The following SLC39A11 variants were observed in gnomAD, a reference collection of about 807,000 sequenced individuals.
SLC39A11 encodes zinc transporter ZIP11.
Under a neutral mutation model 36.1 loss-of-function variants are expected in SLC39A11, and 33 were observed. The observed-to-expected ratio is 0.91, with a 90% CI of 0.69 to 1.22. The LOEUF is 1.22. Ranked by LOEUF, SLC39A11 falls within the 50% of genes most tolerant of loss-of-function variation. SLC39A11 has a pLI of 0.00. For missense variants in SLC39A11, 432 were observed against 430.3 expected, an observed-to-expected ratio of 1.00 and a Z score of -0.03; for synonymous variants, 166 against 170.3, an observed-to-expected ratio of 0.97 and a Z score of 0.20.
intron 4 of SLC39A11, among the ~76,000 whole-genome samples, chr17:72,987,234 C>G (rs371451616): frequency 1.3e-5 from 2 of 152,226 alleles, no homozygotes; most frequent in African/African-American, 2.4e-5. Context: ...TCCCCAGAAG[C>G]AGATGCTGGC....
At chr17:72,830,855 C>G (rs996849961) in intron 6 of SLC39A11, among the ~76,000 whole-genome samples, 4 of 152,154 alleles carry the variant, frequency 2.6e-5, no homozygotes, top group African/African-American at 7.2e-5. Context: ...CCTGTCGGCT[C>G]CATGGGGGCA....
At chr17:73,068,561 C>T (rs2060068222) in intron 3 of SLC39A11, among the ~76,000 whole-genome samples, 1 of 152,068 alleles carries the variant, frequency 6.6e-6, no homozygotes, top group African/African-American at 2.4e-5. Context: ...CGGTAGAGTC[C>T]CCCTCAGTCC....
At chr17:73,056,401 T>A (rs2059672287) in intron 3 of SLC39A11, among the ~76,000 whole-genome samples, 1 of 152,136 alleles carries the variant, frequency 6.6e-6, no homozygotes, top group Admixed American at 6.6e-5. Context: ...ACTCCTGACC[T>A]CAAGTGATCC....
At chr17:72,866,163 G>C (rs2080292554) in intron 5 of SLC39A11, among the ~76,000 whole-genome samples, 1 of 152,170 alleles carries the variant, frequency 6.6e-6, no homozygotes, top group Non-Finnish European at 1.5e-5. Flanking sequence ...TACCACCTAA[G>C]CTCCACCTCC....
chr17:73,038,681 TG>T (rs1331893731), intron 3 of SLC39A11, among the ~76,000 whole-genome samples: 1 of 148,132 alleles, frequency 6.8e-6, no homozygotes, highest in Non-Finnish European at 1.5e-5. Context: ...CACTCTAGCC[TG>T]GGCGACAGAG....
intron 3 of SLC39A11, among the ~76,000 whole-genome samples, chr17:73,056,897 A>C (rs1293242994): frequency 6.6e-6 from 1 of 152,176 alleles, no homozygotes; most frequent in Admixed American, 6.5e-5. Context: ...ACTATATTTA[A>C]TTTTTATTTG....
At chr17:73,047,992 T>TATAA (rs2059372115) in intron 3 of SLC39A11, among the ~76,000 whole-genome samples, 1 of 47,500 alleles carries the variant, frequency 2.1e-5, no homozygotes, top group African/African-American at 7.8e-5. Context: ...AAAAAAAAAA[T>TATAA]ATATATATAT....
At chr17:72,682,532 C>G (rs2071553341) in intron 7 of SLC39A11, among the ~76,000 whole-genome samples, 1 of 152,200 alleles carries the variant, frequency 6.6e-6, no homozygotes, top group South Asian at 2.1e-4. Context: ...GGGGCCGGTG[C>G]CCCCAAGCCC....
chr17:72,666,518 C>G (rs1452236337), intron 7 of SLC39A11, among the ~76,000 whole-genome samples: 2 of 152,210 alleles, frequency 1.3e-5, no homozygotes, highest in Non-Finnish European at 2.9e-5. Context: ...CAGTCTCTGT[C>G]ACTTTGCTCT....
At chr17:72,727,899 G>A (rs1369710298) in intron 7 of SLC39A11, among the ~76,000 whole-genome samples, 2 of 152,276 alleles carry the variant, frequency 1.3e-5, no homozygotes, top group Middle Eastern at 3.4e-3. Context: ...TGATAGGCGA[G>A]GTGCCTGCCT....
intron 5 of SLC39A11, among the ~76,000 whole-genome samples, chr17:72,856,210 T>C (rs190337412): frequency 3.9e-4 from 59 of 152,346 alleles, no homozygotes; most frequent in Admixed American, 1.2e-3. Flanking sequence ...GTTCTCATTA[T>C]GCCGCTTCTT....
chr17:72,952,134 G>C lies in SLC39A11; in HGVS notation c.307-4259C>G, dbSNP rs146758052. Among the ~76,000 whole-genome samples the C allele has an allele frequency of 3.5e-3, 538 of 152,276 alleles. 7 individuals are homozygous for C. The highest frequency in any genetic ancestry group is 0.012 in the African/African-American group (493 of 41,540). ...CAGAACAACCAGGGTCAGCTATGCAGCGTGGGAGCTACAGAAAGTATCTCC... is the reference window on the plus strand; with the variant it reads ...CAGAACAACCAGGGTCAGCTATGCACCGTGGGAGCTACAGAAAGTATCTCC... On this transcript the variant is annotated intron_variant, in intron 4 of 9. Transcript: ENST00000255559.
intron 6 of SLC39A11, among the ~76,000 whole-genome samples, chr17:72,741,381 G>C (rs1388395145): frequency 3.3e-5 from 5 of 152,198 alleles, no homozygotes; most frequent in African/African-American, 7.2e-5. Context: ...TTCACTGTGA[G>C]TGGCACCATA....
intron 4 of SLC39A11, among the ~76,000 whole-genome samples, chr17:73,014,260 T>C (rs1382307039): frequency 1.3e-5 from 2 of 152,180 alleles, no homozygotes; most frequent in Admixed American, 6.5e-5. Context: ...ACCCAGCATG[T>C]CTGGGGAGGA....
intron 3 of SLC39A11, chr17:73,072,532 A>G (rs2060194209): frequency 6.6e-6 from 1 of 152,216 alleles, no homozygotes; most frequent in South Asian, 2.1e-4. Context: ...GGATAATGAC[A>G]TTGGAAATCT....
intron 5 of SLC39A11, among the ~76,000 whole-genome samples, chr17:72,898,210 G>C (rs1327933055): frequency 6.6e-6 from 1 of 152,152 alleles, no homozygotes; most frequent in Non-Finnish European, 1.5e-5. Flanking sequence ...TGCGCACATA[G>C]ACACGTGGAA....
intron 5 of SLC39A11, among the ~76,000 whole-genome samples, chr17:72,945,762 C>A (rs1205371118): frequency 6.6e-6 from 1 of 152,176 alleles, no homozygotes. Flanking sequence ...TCTGGGTTGG[C>A]CAAGAAGACC....
At chr17:72,932,272 C>A (rs1189643000) in intron 5 of SLC39A11, among the ~76,000 whole-genome samples, 1 of 133,130 alleles carries the variant, frequency 7.5e-6, no homozygotes, top group Non-Finnish European at 1.5e-5. Context: ...TCCTCTTCTA[C>A]CTGAAGAATG....
At chr17:73,048,078 G>T (rs1414546537) in intron 3 of SLC39A11, among the ~76,000 whole-genome samples, 2 of 140,226 alleles carry the variant, frequency 1.4e-5, no homozygotes, top group African/African-American at 5.4e-5. Context: ...TTTAATTTCA[G>T]CTTTTAGTTT....
Sources: gnomAD v4.1 joint callset for allele counts (sites outside exome capture counted in the v4.1 genomes callset) on GRCh38, gnomAD v4.1.1 for gene constraint, MANE v1.5 for transcripts, NCBI Gene and HGNC (gene_info 2026-07-23, HGNC 2026-07-21) for gene names.